ZDHHC22: variants seen among roughly 807,000 people sequenced by gnomAD.
ZDHHC22 encodes the protein palmitoyltransferase ZDHHC22.
ZDHHC22 carries 13 observed loss-of-function variants against 17.0 expected under a neutral mutation model. The ratio of observed to expected loss-of-function variants is 0.76; its 90% CI spans 0.50 to 1.21. The LOEUF is 1.21. Among genes scored for constraint, ZDHHC22 ranks in the 50% most tolerant of loss-of-function variants. The pLI is 0.00. For synonymous variants in ZDHHC22, 138 were observed against 154.7 expected (o/e 0.89, Z 0.80); for missense variants, 319 against 342.3 (o/e 0.93, Z 0.54).
intron 1 of ZDHHC22, 80 bp from the exon 2 acceptor site, chr14:77,139,832 G>T (rs946237861): frequency 2.2e-6 from 3 of 1,377,856 alleles, no homozygotes; most frequent in Admixed American, 2.9e-5. Flanking sequence ...CGTGCCGCGC[G>T]TCTGGGGCAC....
At chr14:77,137,366 C>T (rs1257925409) in intron 2 of ZDHHC22, among the ~76,000 whole-genome samples, 2 of 152,170 alleles carry the variant, frequency 1.3e-5, no homozygotes, top group African/African-American at 4.8e-5. Context: ...AAACCTAGCA[C>T]ATATGGACAG....
chr14:77,136,270 G>T (rs1263149812), intron 2 of ZDHHC22, among the ~76,000 whole-genome samples: 1 of 152,200 alleles, frequency 6.6e-6, no homozygotes, highest in Non-Finnish European at 1.5e-5. Flanking sequence ...CAGCTGTGTG[G>T]TGTTGGTGCA....
intron 2 of ZDHHC22, among the ~76,000 whole-genome samples, chr14:77,136,822 G>A (rs190179024): frequency 2.6e-4 from 39 of 152,268 alleles, no homozygotes; most frequent in African/African-American, 9.4e-4. Flanking sequence ...GCTGGATAGA[G>A]TGCAGTGGCA....
At chr14:77,138,039 G>C (rs565021358) in intron 2 of ZDHHC22, among the ~76,000 whole-genome samples, 3 of 152,216 alleles carry the variant, frequency 2.0e-5, no homozygotes, top group Admixed American at 2.0e-4. Context: ...TTCATCATCT[G>C]AGAAATGGAG....
chr14:77,141,763 G>A lies in ZDHHC22; in HGVS notation c.-175C>T, dbSNP rs949267435. 2.0e-5 allele frequency: 3 copies of A among 152,330 alleles called. No homozygotes were observed. Among genetic ancestry groups the A allele is most frequent in the Middle Eastern group, 3.1e-3 (1 of 318 alleles). 9.4% of individuals were successfully genotyped at this position (152,330 alleles called of 1,614,324 possible). ...GGGAGGAGGGAGCGGGCAGCTGCTG[G>A]CTTCCCACTTGGGCGCCAGCGAGTA... On this transcript the variant is annotated 5_prime_UTR_variant, in exon 1 of 3. Coordinates refer to ENST00000319374, the MANE Select transcript of ZDHHC22 (RefSeq NM_174976.2).
At position 77,131,763 on chromosome 14, in the gene ZDHHC22, G is replaced by T. The variant is rs1754041266; in HGVS notation, c.*1920C>A. On this transcript the variant is annotated 3_prime_UTR_variant, in exon 3 of 3. Coordinates refer to ENST00000319374, the MANE Select transcript of ZDHHC22 (RefSeq NM_174976.2). ...ATCAGTGCACAGACGGCAGTGACAAGGTGCCCCTGATGGCATGAATCTTGT... is the reference window on the plus strand; with the variant it reads ...ATCAGTGCACAGACGGCAGTGACAATGTGCCCCTGATGGCATGAATCTTGT... 6.6e-6 allele frequency: 1 copy of T among 152,204 alleles called. No individual in the cohort carries two copies. The highest frequency in any genetic ancestry group is 1.5e-5 in the Non-Finnish European group (1 of 68,038). 9.4% of individuals were successfully genotyped at this position (152,204 alleles called of 1,614,324 possible). A position where few individuals can be genotyped will look rare whatever the true frequency, so the allele number is the denominator to read the frequency against.
At chr14:77,137,892 C>T (rs1887169440) in intron 2 of ZDHHC22, among the ~76,000 whole-genome samples, 1 of 152,106 alleles carries the variant, frequency 6.6e-6, no homozygotes, top group African/African-American at 2.4e-5. Context: ...AGAAGGCCAA[C>T]AGGTGAGGAA....
Position 77,139,242 on chromosome 14 carries a change from A to T in ZDHHC22, c.497T>A (p.Leu166Gln). ...GAAGAACTGGCTGATGGAGGTGGGC[A>T]GGAGCGTGAGGAAGGCCAAGGGGTG... Reference protein sequence around the residue: ...FAHPLAFLTLLPTSISQFFSG... With the variant: ...FAHPLAFLTLQPTSISQFFSG... Residue 166 changes from leucine to glutamine, a missense_variant, in exon 2 of 3, where the codon CTG (leucine) becomes CAG (glutamine). Leu to Gln is a moderately radical substitution (Grantham distance 113, BLOSUM62 -2). Coordinates refer to ENST00000319374, the MANE Select transcript of ZDHHC22 (RefSeq NM_174976.2). The T allele has an allele frequency of 6.3e-7, 1 of 1,588,976 alleles. No individual in the cohort carries two copies. Among genetic ancestry groups the T allele is most frequent in the Non-Finnish European group, 8.6e-7 (1 of 1,167,924 alleles).
At chr14:77,135,190 T>TTGGG (rs1555384232) in intron 2 of ZDHHC22, among the ~76,000 whole-genome samples, 1 of 143,758 alleles carries the variant, frequency 7.0e-6, no homozygotes, top group South Asian at 2.2e-4. Flanking sequence ...CCTCCTCTGG[T>TTGGG]GGGGGGGGGG....
rs1887080952 is a variant in ZDHHC22, at chr14:77,133,825, T to C, written c.650A>G (p.His217Arg). The change falls in exon 3 of 3, where the codon CAC becomes CGC. Residue 217 changes from histidine to arginine, a missense_variant. Coordinates refer to ENST00000319374, the MANE Select transcript of ZDHHC22 (RefSeq NM_174976.2). ...CACTGCCACCCCCTTCCGCACCTGG[T>C]GGCGGGTCTGCCCGCGGAGGATCAA... Reference protein sequence around the residue: ...LLLILRGQTRHQVRKGVAVRA... With the variant: ...LLLILRGQTRRQVRKGVAVRA... The C allele has an allele frequency of 6.2e-7, 1 of 1,613,684 alleles. No individual in the cohort carries two copies. Among genetic ancestry groups the C allele is most frequent in the African/African-American group, 1.3e-5 (1 of 74,918 alleles).
intron 2 of ZDHHC22, among the ~76,000 whole-genome samples, chr14:77,136,430 G>GTAGC (rs1887137758): frequency 6.6e-6 from 1 of 152,148 alleles, no homozygotes. Context: ...CCTCTTACTG[G>GTAGC]ACTTTCTGGT....
At chr14:77,142,198 G>A (rs1594832841), upstream of ZDHHC22, 1 of 152,304 alleles carries the variant, frequency 6.6e-6, no homozygotes, top group African/African-American at 2.4e-5. Flanking sequence ...ACCTGGGTTT[G>A]AATATTCACC....
rs750070220 is a variant in ZDHHC22 at position 77,133,888 on chromosome 14, C to G, written c.587G>C (p.Gly196Ala). 20 of 1,612,250 alleles carry G rather than the reference C, an allele frequency of 1.2e-5. No homozygotes were observed. Among genetic ancestry groups the G allele is most frequent in the Non-Finnish European group, 1.6e-5 (19 of 1,179,114 alleles). ...GCAGCAGAAGCCGGCGCAGGCCAGG[C>G]CGATGGCGAACCAGAGGTAGAGCAT... The part of the protein sequence containing the change: ...ILMLYLWFAI[G>A]LACAGFCCHQ... The change falls in exon 3 of 3, where the codon GGC becomes GCC. Residue 196 changes from glycine (G) to alanine (A), a missense_variant. By Grantham distance (60) the Gly-to-Ala change is moderately conservative. Coordinates refer to ENST00000319374, the MANE Select transcript of ZDHHC22 (RefSeq NM_174976.2).
At position 77,133,588 on chromosome 14, in the gene ZDHHC22, G is replaced by A. The variant is rs1350250868; in HGVS notation, c.*95C>T. On this transcript the variant is annotated 3_prime_UTR_variant, in exon 3 of 3. Coordinates refer to ENST00000319374, the MANE Select transcript of ZDHHC22 (RefSeq NM_174976.2). ...GATGCTAGGACCTTACCAGCACAAG[G>A]TTGTAGTGAGTCATGGGTGGAGACA... The A allele has an allele frequency of 1.3e-6, 2 of 1,502,162 alleles. No homozygotes were observed. Among genetic ancestry groups the A allele is most frequent in the African/African-American group, 1.4e-5 (1 of 72,242 alleles). The allele number at this position is 1,502,162 out of a possible 1,614,324, so 93.1% of individuals were successfully genotyped here.
At position 77,139,559 on chromosome 14, in the gene ZDHHC22, G is replaced by C; in HGVS notation, c.180C>G (p.Asn60Lys). The part of the protein sequence containing the change: ...HGALFLFLSA[N>K]ALGNYVLVIQ... The stretch of plus-strand genomic sequence containing the variant: ...TGACAAGGACGTAATTGCCCAGGGC[G>C]TTGGCCGAGAGGAATAGGAAGAGCG... Residue 60 changes from asparagine to lysine, a missense_variant, in exon 2 of 3, where the codon AAC becomes AAG. By Grantham distance (94) the Asn-to-Lys change is moderately conservative. Transcript: ENST00000319374. 1 of 1,603,916 alleles carries C rather than the reference G, an allele frequency of 6.2e-7. No individual in the cohort carries two copies. Among genetic ancestry groups the C allele is most frequent in the Non-Finnish European group, 8.5e-7 (1 of 1,175,144 alleles).
intron 2 of ZDHHC22, among the ~76,000 whole-genome samples, chr14:77,137,345 C>G (rs1409463839): frequency 6.6e-6 from 1 of 152,166 alleles, no homozygotes; most frequent in Non-Finnish European, 1.5e-5. Context: ...GCTCTGTTCT[C>G]CCATCAGATC....
chr14:77,133,717 AC>A lies in ZDHHC22; in HGVS notation c.757del (p.Val253SerfsTer28). 2 of 1,613,942 alleles carry A rather than the reference AC, an allele frequency of 1.2e-6. No individual in the cohort carries two copies. The highest frequency in any genetic ancestry group is 1.7e-6 in the Non-Finnish European group (2 of 1,179,878). ...CTGCTGCTTGGAGCTCTCACTTCCG[AC>A]ATTGAACATGGGGACCAGCAGGCCC... Reference protein sequence around the residue: ...LLGLLVPMFNVGSESSKQQDK With the variant: ...LLGLLVPMFNXGSESSKQQDK On this transcript the variant is annotated frameshift_variant, in exon 3 of 3. Transcript: ENST00000319374. LOFTEE classifies it high-confidence loss of function.
chr14:77,137,747 T>C (rs1404625455), intron 2 of ZDHHC22, among the ~76,000 whole-genome samples: 3 of 152,228 alleles, frequency 2.0e-5, no homozygotes, highest in Non-Finnish European at 4.4e-5. Context: ...AGAACTGGGC[T>C]GTAGCCACCA....
intron 2 of ZDHHC22, among the ~76,000 whole-genome samples, chr14:77,138,282 C>T (rs146722916): frequency 3.3e-5 from 5 of 151,850 alleles, no homozygotes; most frequent in African/African-American, 7.3e-5. Context: ...CTCAGCCAGG[C>T]GCAGTGGCTC....
Sources: gnomAD v4.1 joint callset for allele counts (sites outside exome capture counted in the v4.1 genomes callset) on GRCh38, gnomAD v4.1.1 for gene constraint, MANE v1.5 for transcripts, NCBI Gene and HGNC (gene_info 2026-07-23, HGNC 2026-07-21) for gene names.